Variants in TBC1D26 observed in about 807,000 individuals in gnomAD.
TBC1D26 encodes the protein TBC1 domain family member 26, also known as TBC1 domain family, member 26.
Under a neutral mutation model 42.5 loss-of-function variants are expected in TBC1D26, and 19 were observed. The observed-to-expected ratio is 0.45, with a 90% CI of 0.31 to 0.66. The LOEUF (loss-of-function observed/expected upper bound fraction) is 0.66, where lower values mean the gene tolerates loss of function less well. Among genes scored for constraint, TBC1D26 ranks in the 30% least tolerant of loss-of-function variants. The pLI is 0.06. For missense variants in TBC1D26, 228 were observed against 332.6 expected, an observed-to-expected ratio of 0.69 and a Z score of 2.45; for synonymous variants, 97 against 123.5, an observed-to-expected ratio of 0.79 and a Z score of 1.42.
intron 11 of TBC1D26, 128 bp from the exon 12 acceptor site, chr17:15,742,286 G>T: frequency 3.8e-6 from 2 of 528,758 alleles, no homozygotes; most frequent in South Asian, 4.2e-5. Context: ...TCCGTGCATG[G>T]GGCAGGTGTT....
rs775726894 is a variant in TBC1D26 at position 15,738,840 on chromosome 17, A to T, written c.497+10A>T. ...AAAGATTCGGAGTCAAGTAAGGCCAATGGGGCTTGCAGGGGTCCCAGGGAA... is the reference window on the plus strand; with the variant it reads ...AAAGATTCGGAGTCAAGTAAGGCCATTGGGGCTTGCAGGGGTCCCAGGGAA... On this transcript the variant is annotated intron_variant, in intron 8 of 14. Transcript: ENST00000437605. 6.2e-7 allele frequency: 1 copy of T among 1,612,610 alleles called. No homozygotes were observed. The highest frequency in any genetic ancestry group is 8.5e-7 in the Non-Finnish European group (1 of 1,179,774).
At chr17:15,744,207 G>GTAT (rs1011504872) in intron 14 of TBC1D26, 36 bp from the exon 15 acceptor site, 5 of 152,174 alleles carry the variant, frequency 3.3e-5, no homozygotes, top group African/African-American at 1.2e-4. Flanking sequence ...ACTGATTATA[G>GTAT]TATTTCTTTC....
intron 2 of TBC1D26, 132 bp from the exon 3 acceptor site, chr17:15,735,216 C>T (rs935746519): frequency 1.9e-6 from 2 of 1,068,010 alleles, no homozygotes; most frequent in Non-Finnish European, 2.8e-6. Flanking sequence ...GAGTCTGGCC[C>T]CTGTCATCTG....
At chr17:15,743,568 G>C in intron 14 of TBC1D26, 52 bp downstream of exon 14, 1 of 808,222 alleles carries the variant, frequency 1.2e-6, no homozygotes, top group Non-Finnish European at 1.5e-6. Context: ...GGCAGTCAAT[G>C]GTGGGGAGTG....
chr17:15,741,339 A>C, intron 10 of TBC1D26, 118 bp downstream of exon 10: 1 of 1,559,056 alleles, frequency 6.4e-7, no homozygotes, highest in Non-Finnish European at 8.7e-7. Flanking sequence ...CCTGCCTTGT[A>C]TCCCAGCTTG....
In TBC1D26 at chr17:15,738,328, G is replaced by A. The variant is rs73978522; in HGVS notation, c.328G>A (p.Ala110Thr). The change falls in exon 7 of 15, where the codon GCG (alanine) becomes ACG (threonine). Residue 110 changes from alanine to threonine, a missense_variant. By Grantham distance (58) the Ala-to-Thr change is moderately conservative. Coordinates refer to ENST00000437605, the MANE Select transcript of TBC1D26 (RefSeq NM_001388465.1). ...CATTCCCCTGGCGGTACGGGGCCGG[G>A]CGTGGTCACTTTTGCTAGATATTGA... ...KVIPLAVRGR[A>T]WSLLLDIDRI... 1,761 of 1,613,636 alleles carry A rather than the reference G, an allele frequency of 1.1e-3. 4 individuals carry two copies. In the African/African-American group the frequency reaches 0.02, roughly 19 times the overall value.
rs1434075175 is a variant in TBC1D26 at position 15,741,150 on chromosome 17, G to A, written c.575G>A (p.Arg192His). The change falls in exon 10 of 15, where the codon CGC becomes CAC. Residue 192 changes from arginine to histidine, a missense_variant. By Grantham distance (29) the Arg-to-His change is conservative (BLOSUM62 0). Transcript: ENST00000437605. ...GTGGGCTACCACAGGGACCTGAGCC[G>A]CATCACTGCCATCCTCCTCCTGTGT... ...PEVGYHRDLS[R>H]ITAILLLCLP... 2.5e-5 allele frequency: 40 copies of A among 1,612,622 alleles called. No individual in the cohort carries two copies. The highest frequency in any genetic ancestry group is 3.0e-5 in the Non-Finnish European group (35 of 1,179,968).
rs901625892 is a variant in TBC1D26, at chr17:15,743,431, G to A, written c.972G>A (p.Trp324Ter). Residue 324 changes from tryptophan to a stop codon, truncating the protein, a stop_gained, in exon 14 of 15, where the codon TGG becomes TGA. Transcript: ENST00000437605. LOFTEE classifies it high-confidence loss of function. Reference sequence around the variant, plus strand: ...TTCAGGAGCGACTCTCTCAGAGCTGGGCCCTGGAGGACAACGCGGTCCTCA... The same window carrying A: ...TTCAGGAGCGACTCTCTCAGAGCTGAGCCCTGGAGGACAACGCGGTCCTCA... ...WEFQERLSQSWALEDNAVLRN... is the reference protein window; with the variant it reads ...WEFQERLSQS 27 of 986,700 alleles carry A rather than the reference G, an allele frequency of 2.7e-5. No individual in the cohort carries two copies. The highest frequency in any genetic ancestry group is 3.5e-5 in the African/African-American group (2 of 57,172). The allele number at this position is 986,700 out of a possible 1,614,324, so 61.1% of individuals were successfully genotyped here.
At chr17:15,737,329 C>G (rs1212885017) in intron 4 of TBC1D26, among the ~76,000 whole-genome samples, 155 bp from the exon 5 acceptor site, 1 of 152,232 alleles carries the variant, frequency 6.6e-6, no homozygotes, top group Non-Finnish European at 1.5e-5. Flanking sequence ...AGTGTCAGAT[C>G]CGCAGGGAGG....
At position 15,741,146 on chromosome 17, in the gene TBC1D26, A is replaced by C. The variant is rs1407174984; in HGVS notation, c.571A>C (p.Ser191Arg). Reference protein sequence around the residue: ...NPEVGYHRDLSRITAILLLCL... With the variant: ...NPEVGYHRDLRRITAILLLCL... ...GGAGGTGGGCTACCACAGGGACCTGAGCCGCATCACTGCCATCCTCCTCCT... is the reference window on the plus strand; with the variant it reads ...GGAGGTGGGCTACCACAGGGACCTGCGCCGCATCACTGCCATCCTCCTCCT... The change falls in exon 10 of 15, where the codon AGC (serine) becomes CGC (arginine). Residue 191 changes from serine to arginine, a missense_variant. By Grantham distance (110) the Ser-to-Arg change is moderately radical. Coordinates refer to ENST00000437605, the MANE Select transcript of TBC1D26 (RefSeq NM_001388465.1). 1 of 1,612,594 alleles carries C rather than the reference A, an allele frequency of 6.2e-7. No homozygotes were observed. Among genetic ancestry groups the C allele is most frequent in the Admixed American group, 1.7e-5 (1 of 59,998 alleles).
At chr17:15,741,652 C>T (rs552744631) in intron 10 of TBC1D26, 14 of 500,044 alleles carry the variant, frequency 2.8e-5, no homozygotes, top group African/African-American at 1.7e-4. Context: ...ACCCCCACAT[C>T]CAAGAGATAG....
chr17:15,738,344 T>C lies in TBC1D26; in HGVS notation c.344T>C (p.Leu115Pro), dbSNP rs1967681179. 1.9e-6 allele frequency: 3 copies of C among 1,613,688 alleles called. 1 individual carries two copies. In the East Asian group the frequency reaches 6.7e-5, roughly 36 times the overall value. The stretch of plus-strand genomic sequence containing the variant: ...CGGGGCCGGGCGTGGTCACTTTTGC[T>C]AGATATTGACAGAATCAAGTCCCAG... Reference protein sequence around the residue: ...AVRGRAWSLLLDIDRIKSQNP... With the variant: ...AVRGRAWSLLPDIDRIKSQNP... Residue 115 changes from leucine to proline, a missense_variant, in exon 7 of 15, where the codon CTA (leucine) becomes CCA (proline). Physicochemically the swap from Leu to Pro is moderately conservative, Grantham distance 98. This residue lies in a region of TBC1D26 where 72 missense variants were observed against 90.1 expected (regional missense o/e 0.80). Transcript: ENST00000437605.
At chr17:15,738,904 A>T (rs1967698382) in intron 8 of TBC1D26, 74 bp downstream of exon 8, 4 of 1,605,696 alleles carry the variant, frequency 2.5e-6, no homozygotes, top group Non-Finnish European at 3.4e-6. Flanking sequence ...TCCCCAGGGC[A>T]GAGGCCAGGG....
At chr17:15,737,905 C>A (rs1967662298) in intron 5 of TBC1D26, 92 bp from the exon 6 acceptor site, 3 of 1,554,838 alleles carry the variant, frequency 1.9e-6, no homozygotes, top group Non-Finnish European at 1.8e-6. Flanking sequence ...AAGTTGGGTC[C>A]CTTCAGGGCC....
chr17:15,740,391 T>C lies in TBC1D26; in HGVS notation c.546+243T>C, dbSNP rs1280191359. ...CCCCTCCTGGTGTTGCCCCAAAGCC[T>C]AGGAGCTTGGCAGGGTCCCACACAG... On this transcript the variant is annotated intron_variant, in intron 9 of 14. Transcript: ENST00000437605. 3.5e-5 allele frequency: 51 copies of C among 1,439,024 alleles called. No homozygotes were observed. In the South Asian group the frequency reaches 7.7e-4, roughly 22 times the overall value. 89.1% of individuals were successfully genotyped at this position (1,439,024 alleles called of 1,614,324 possible). A position where few individuals can be genotyped will look rare whatever the true frequency, so the allele number is the denominator to read the frequency against.
rs1365473811 is a variant in TBC1D26, at chr17:15,740,091, C to G, written c.498-9C>G. The G allele has an allele frequency of 6.2e-7, 1 of 1,607,684 alleles. No individual in the cohort carries two copies. Among genetic ancestry groups the G allele is most frequent in the South Asian group, 1.1e-5 (1 of 89,452 alleles). ...ACAAAAAAAAAACCCTCTTTCCCCT[C>G]TTTTCTAGGCAGCAGGAATTATGTG... On this transcript the variant is annotated splice_polypyrimidine_tract_variant and intron_variant, in intron 8 of 14. Transcript: ENST00000437605.
intron 9 of TBC1D26, chr17:15,740,558 A>T (rs764045554): frequency 2.1e-4 from 247 of 1,150,954 alleles, no homozygotes; most frequent in Middle Eastern, 7.7e-4. Flanking sequence ...CTTTGCCTGA[A>T]CCCCATAGGA....
intron 9 of TBC1D26, chr17:15,740,581 G>A (rs148470498): frequency 8.2e-6 from 9 of 1,100,778 alleles, no homozygotes; most frequent in Non-Finnish European, 1.0e-5. Context: ...ATAGCAGATA[G>A]GGAGGGGGGT....
intron 5 of TBC1D26, chr17:15,737,781 T>G (rs1220779465): frequency 1.2e-6 from 1 of 802,340 alleles, no homozygotes; most frequent in Non-Finnish European, 2.0e-6. Context: ...TGACCAAAAC[T>G]TGGGGCATTT....
Sources: allele counts gnomAD v4.1 joint callset (sites outside exome capture counted in the v4.1 genomes callset), GRCh38; gene constraint gnomAD v4.1.1; regional missense constraint gnomAD v4.1.1; transcripts MANE v1.5; gene names NCBI Gene and HGNC (gene_info 2026-07-23, HGNC 2026-07-21).